PAG1: variants seen among roughly 807,000 people sequenced by gnomAD.
The protein encoded by PAG1 is phosphoprotein associated with glycosphingolipid-enriched microdomains 1.
In PAG1, 23 loss-of-function variants were observed where a neutral mutation model predicts 31.7. That is an observed-to-expected ratio of 0.73 (90% CI 0.52 to 1.03). The LOEUF (loss-of-function observed/expected upper bound fraction) is 1.03, where lower values mean the gene tolerates loss of function less well. Among genes scored for constraint, PAG1 ranks in the 50% least tolerant of loss-of-function variants. The pLI is 0.00. For synonymous variants in PAG1, 214 were observed against 210.3 expected (o/e 1.02, Z -0.15); for missense variants, 473 against 540.7 (o/e 0.87, Z 1.24).
At chr8:81,077,555 T>C (rs1809199374) in intron 1 of PAG1, among the ~76,000 whole-genome samples, 1 of 152,234 alleles carries the variant, frequency 6.6e-6, no homozygotes, top group African/African-American at 2.4e-5. Flanking sequence ...TAACATATGG[T>C]GACTTTTATC....
At chr8:81,102,212 T>C (rs1217230365) in intron 1 of PAG1, among the ~76,000 whole-genome samples, 1 of 152,196 alleles carries the variant, frequency 6.6e-6, no homozygotes, top group Non-Finnish European at 1.5e-5. Context: ...AATTTTCACA[T>C]GCCTATATTG....
chr8:81,044,035 C>G (rs953851159), intron 2 of PAG1, among the ~76,000 whole-genome samples: 6 of 152,160 alleles, frequency 3.9e-5, no homozygotes, highest in Admixed American at 6.5e-5. Context: ...GCTTCTTGAA[C>G]GGTCAAGGCC....
chr8:81,071,379 G>A (rs1005624767), intron 1 of PAG1, among the ~76,000 whole-genome samples: 4 of 152,176 alleles, frequency 2.6e-5, no homozygotes, highest in Non-Finnish European at 2.9e-5. Flanking sequence ...ACACAACGAA[G>A]AAAGGCAATG....
chr8:81,079,407 A>C (rs1385425866), intron 1 of PAG1, among the ~76,000 whole-genome samples: 3 of 152,218 alleles, frequency 2.0e-5, no homozygotes, highest in Non-Finnish European at 4.4e-5. Flanking sequence ...TGAATTACTT[A>C]GGAGTTCAGC....
chr8:81,000,740 C>G (rs1807770465), intron 3 of PAG1, among the ~76,000 whole-genome samples: 1 of 151,836 alleles, frequency 6.6e-6, no homozygotes, highest in Non-Finnish European at 1.5e-5. Context: ...CCGCACCTGG[C>G]CTTAAGGCAA....
In PAG1 at chr8:80,985,860, A is replaced by G. The variant is rs77351838; in HGVS notation, c.275-483T>C. Among the ~76,000 whole-genome samples the G allele has an allele frequency of 9.9e-3, 1,509 of 152,338 alleles. 25 individuals are homozygous for G. The highest frequency in any genetic ancestry group is 0.034 in the African/African-American group (1,401 of 41,574). On this transcript the variant is annotated intron_variant, in intron 6 of 8. Coordinates refer to ENST00000220597, the MANE Select transcript of PAG1 (RefSeq NM_018440.4). ...GTTTGGCAGACATAATAGAAACTAC[A>G]GGGCAAACATGCACCCGTCAGCCAT... is the stretch of plus-strand genomic sequence containing the variant.
chr8:81,034,293 T>C (rs1266633043), intron 2 of PAG1, among the ~76,000 whole-genome samples: 1 of 152,160 alleles, frequency 6.6e-6, no homozygotes, highest in Non-Finnish European at 1.5e-5. Flanking sequence ...GCTCAATATT[T>C]ATTCACTGAT....
At chr8:81,046,681 A>C (rs962651105) in intron 2 of PAG1, among the ~76,000 whole-genome samples, 1 of 151,952 alleles carries the variant, frequency 6.6e-6, no homozygotes, top group African/African-American at 2.4e-5. Context: ...CTTTTTTTTA[A>C]ATTTCCAATT....
At chr8:81,015,196 C>T (rs1217573070) in intron 3 of PAG1, among the ~76,000 whole-genome samples, 2 of 152,168 alleles carry the variant, frequency 1.3e-5, no homozygotes, top group Non-Finnish European at 2.9e-5. Flanking sequence ...ATGTGTGGAT[C>T]AATCTAGAAC....
chr8:81,092,621 T>TG (rs1475772046), intron 1 of PAG1, among the ~76,000 whole-genome samples: 1 of 152,236 alleles, frequency 6.6e-6, no homozygotes, highest in African/African-American at 2.4e-5. Flanking sequence ...GTCATGGAAC[T>TG]AATTCAACAA....
chr8:80,996,127 G>T (rs143972939), intron 3 of PAG1, among the ~76,000 whole-genome samples: 69 of 152,384 alleles, frequency 4.5e-4, no homozygotes, highest in African/African-American at 1.6e-3. Flanking sequence ...GGCCCCAGTT[G>T]CGGGGGCAGC....
rs971324541 is a variant in PAG1, at chr8:80,991,482, G to T, written c.174C>A (p.Asn58Lys). ...CAGACGACACGCGCAGGCTCACCAC[G>T]TTCATCAGGTTCTCATGGTCCCCAC... is the stretch of plus-strand genomic sequence containing the variant. ...QHSGDHENLM[N>K]VPSDKEMFSR... Residue 58 changes from asparagine to lysine, a missense_variant, in exon 5 of 9, where the codon AAC (asparagine) becomes AAA (lysine). Physicochemically the swap from Asn to Lys is moderately conservative, Grantham distance 94. Transcript: ENST00000220597. The T allele has an allele frequency of 1.2e-6, 2 of 1,612,384 alleles. No homozygotes were observed. The highest frequency in any genetic ancestry group is 2.7e-5 in the African/African-American group (2 of 74,866).
At chr8:81,094,764 A>G (rs1809499679) in intron 1 of PAG1, among the ~76,000 whole-genome samples, 1 of 152,208 alleles carries the variant, frequency 6.6e-6, no homozygotes, top group South Asian at 2.1e-4. Context: ...TATCTGAGAG[A>G]TTGACCATGT....
chr8:81,017,680 G>C (rs911751131), intron 3 of PAG1, among the ~76,000 whole-genome samples: 3 of 152,170 alleles, frequency 2.0e-5, no homozygotes, highest in Non-Finnish European at 2.9e-5. Context: ...AAGAGCAGGA[G>C]CATTCCACTA....
intron 1 of PAG1, among the ~76,000 whole-genome samples, chr8:81,110,347 A>C (rs1809754571): frequency 6.6e-6 from 1 of 152,224 alleles, no homozygotes; most frequent in Non-Finnish European, 1.5e-5. Context: ...TTCGCTGTGT[A>C]ACAGTCACAC....
In PAG1 at chr8:81,106,366, ACTT is replaced by A. The variant is rs150762877; in HGVS notation, c.-234+5222_-234+5224del. On this transcript the variant is annotated intron_variant, in intron 1 of 8. Transcript: ENST00000220597. ...AGGCCTAGTGAGCAATTTTAAAACT[ACTT>A]CTTCTTCCGTATTTTTTTTTTTACT... 1.6e-3 allele frequency among the ~76,000 whole-genome samples: 232 copies of A among 147,458 alleles called. 6 individuals carry two copies. In the East Asian group the frequency reaches 0.043, roughly 27 times the overall value.
At chr8:81,054,762 G>A (rs1362697080) in intron 2 of PAG1, among the ~76,000 whole-genome samples, 1 of 152,164 alleles carries the variant, frequency 6.6e-6, no homozygotes, top group Non-Finnish European at 1.5e-5. Context: ...AGTATACTAA[G>A]GTACAGGGGG....
chr8:81,057,539 G>A (rs1346701936), intron 2 of PAG1, among the ~76,000 whole-genome samples: 1 of 145,658 alleles, frequency 6.9e-6, no homozygotes, highest in Non-Finnish European at 1.5e-5. Context: ...ACACAGGAAG[G>A]GGAACATCAC....
At chr8:81,110,791 GA>G (rs1231195975) in intron 1 of PAG1, among the ~76,000 whole-genome samples, 1 of 152,216 alleles carries the variant, frequency 6.6e-6, no homozygotes, top group Non-Finnish European at 1.5e-5. Flanking sequence ...ACTCCAATTT[GA>G]AGAGTGCACT....
Sources: allele counts gnomAD v4.1 joint callset (sites outside exome capture counted in the v4.1 genomes callset), GRCh38; gene constraint gnomAD v4.1.1; transcripts MANE v1.5; gene names NCBI Gene and HGNC (gene_info 2026-07-23, HGNC 2026-07-21).